Variants in CYP20A1 observed in about 807,000 individuals in gnomAD.
CYP20A1 encodes cytochrome P450 20A1.
In CYP20A1, 61 loss-of-function variants were observed where a neutral mutation model predicts 61.4. The observed-to-expected ratio is 0.99, with a 90% CI of 0.81 to 1.23. CYP20A1 has a LOEUF of 1.23. Among genes scored for constraint, CYP20A1 ranks in the 50% most tolerant of loss-of-function variants. The pLI, the probability that CYP20A1 is intolerant of heterozygous loss-of-function variation, is 0.00. For synonymous variants in CYP20A1, 193 were observed against 188.2 expected (o/e 1.03, Z -0.21); for missense variants, 530 against 542.4 (o/e 0.98, Z 0.23).
chr2:203,273,316 A>C (rs1205194601), intron 6 of CYP20A1, among the ~76,000 whole-genome samples: 2 of 152,208 alleles, frequency 1.3e-5, no homozygotes, highest in African/African-American at 4.8e-5. Context: ...TAAGTGTACA[A>C]TCTTAAGAAA....
intron 11 of CYP20A1, among the ~76,000 whole-genome samples, chr2:203,295,317 C>T (rs947227377): frequency 1.3e-5 from 2 of 152,044 alleles, no homozygotes; most frequent in African/African-American, 4.8e-5. Context: ...TCAAGCAATC[C>T]TCCCACCTTG....
At chr2:203,272,851 C>CTTTTTTT in intron 6 of CYP20A1, 103 bp downstream of exon 6, 1 of 428,952 alleles carries the variant, frequency 2.3e-6, no homozygotes, top group Non-Finnish European at 3.9e-6. Flanking sequence ...TTTATATTTT[C>CTTTTTTT]TTTTTTTTTT....
chr2:203,262,469 T>A (rs1480931161), intron 4 of CYP20A1, among the ~76,000 whole-genome samples: 1 of 151,984 alleles, frequency 6.6e-6, no homozygotes, highest in African/African-American at 2.4e-5. Flanking sequence ...ATGAACCAAC[T>A]TTTTTTTCTA....
In CYP20A1 at chr2:203,304,287, T is replaced by G. The variant is rs1250850328; in HGVS notation, c.*7379T>G. Among the ~76,000 whole-genome samples, 1 of 151,564 alleles carries G rather than the reference T, an allele frequency of 6.6e-6. No individual in the cohort carries two copies. The highest frequency in any genetic ancestry group is 2.4e-5 in the African/African-American group (1 of 41,320). ...ATCTGGGCTCACTACAACCTCCATC[T>G]CCCCAGTTCAAGCGATTCTCCTGCC... is the stretch of plus-strand genomic sequence containing the variant. On this transcript the variant is annotated 3_prime_UTR_variant, in exon 13 of 13. Transcript: ENST00000356079.
chr2:203,273,039 G>T (rs1311802181), intron 6 of CYP20A1, among the ~76,000 whole-genome samples: 1 of 152,042 alleles, frequency 6.6e-6, no homozygotes, highest in East Asian at 1.9e-4. Context: ...TAGAGACAGG[G>T]TGTCACCCTG....
At chr2:203,278,456 G>C in intron 6 of CYP20A1, 117 bp from the exon 7 acceptor site, 1 of 481,676 alleles carries the variant, frequency 2.1e-6, no homozygotes, top group Non-Finnish European at 3.7e-6. Flanking sequence ...TTTCTTTGTT[G>C]TTGGTTACTA....
chr2:203,269,830 T>C (rs1276147695), intron 5 of CYP20A1, among the ~76,000 whole-genome samples: 3 of 152,124 alleles, frequency 2.0e-5, no homozygotes, highest in Non-Finnish European at 4.4e-5. Context: ...GGTTTCACCA[T>C]GTTGGCCAGG....
intron 6 of CYP20A1, among the ~76,000 whole-genome samples, chr2:203,277,716 A>G (rs1050129289): frequency 5.3e-5 from 8 of 151,926 alleles, no homozygotes; most frequent in African/African-American, 1.9e-4. Context: ...GGGTTTTGCC[A>G]TCTTGGCCAG....
At position 203,300,787 on chromosome 2, in the gene CYP20A1, G is replaced by A. The variant is rs983502755; in HGVS notation, c.*3879G>A. On this transcript the variant is annotated 3_prime_UTR_variant, in exon 13 of 13. Transcript: ENST00000356079. ...CCCTGTAATCCTAGCTACTTGAGAC[G>A]CTGAGGCAGGAAAATTGCTTGAACC... Among the ~76,000 whole-genome samples the A allele has an allele frequency of 1.3e-5, 2 of 151,094 alleles. No individual in the cohort carries two copies. Among genetic ancestry groups the A allele is most frequent in the Non-Finnish European group, 2.9e-5 (2 of 67,934 alleles).
chr2:203,257,547 T>TG (rs1301340157), intron 4 of CYP20A1, among the ~76,000 whole-genome samples: 5 of 152,058 alleles, frequency 3.3e-5, no homozygotes, highest in Non-Finnish European at 7.4e-5. Flanking sequence ...CCCAGCACTT[T>TG]GGGGGGCCGA....
chr2:203,266,214 T>G (rs1322033588), intron 4 of CYP20A1, among the ~76,000 whole-genome samples: 2 of 152,218 alleles, frequency 1.3e-5, no homozygotes, highest in African/African-American at 4.8e-5. Flanking sequence ...TATGGTCTTT[T>G]AATTTCCGTT....
chr2:203,276,995 G>T (rs1315181346), intron 6 of CYP20A1, among the ~76,000 whole-genome samples: 2 of 152,126 alleles, frequency 1.3e-5, no homozygotes, highest in African/African-American at 4.8e-5. Context: ...GAATGAGCAG[G>T]CAGTAAAGTG....
At chr2:203,242,931 T>C (rs2066305542) in intron 1 of CYP20A1, among the ~76,000 whole-genome samples, 1 of 152,254 alleles carries the variant, frequency 6.6e-6, no homozygotes, top group South Asian at 2.1e-4. Context: ...CTCTGTCAAT[T>C]CCGCCCCTGA....
rs1054427156 is a variant in CYP20A1 at position 203,299,802 on chromosome 2, A to G, written c.*2894A>G. ...AGCAGGAGAACTGCTTGAACCTGGG[A>G]GGCAGAGGTTGCGGTGAGCCAAGAT... On this transcript the variant is annotated 3_prime_UTR_variant, in exon 13 of 13. Coordinates refer to ENST00000356079, the MANE Select transcript of CYP20A1 (RefSeq NM_177538.3). Among the ~76,000 whole-genome samples the G allele has an allele frequency of 6.6e-6, 1 of 152,076 alleles. No homozygotes were observed. Among genetic ancestry groups the G allele is most frequent in the African/African-American group, 2.4e-5 (1 of 41,418 alleles).
intron 4 of CYP20A1, among the ~76,000 whole-genome samples, chr2:203,252,351 G>T (rs2066722358): frequency 7.0e-6 from 1 of 142,970 alleles, no homozygotes; most frequent in Non-Finnish European, 1.5e-5. Context: ...AGCACCTGAA[G>T]AAGTTTCTGT....
At position 203,289,769 on chromosome 2, in the gene CYP20A1, T is replaced by C. The variant is rs1207634217; in HGVS notation, c.976T>C (p.Cys326Arg). ...TPEKIEQLRY[C>R]QHVLCETVRT... Reference sequence around the variant, plus strand: ...AAAAAAATTTTTTTAAAACAGATATTGTCAGCATGTGCTTTGTGAAACTGT... The same window carrying C: ...AAAAAAATTTTTTTAAAACAGATATCGTCAGCATGTGCTTTGTGAAACTGT... The change falls in exon 10 of 13, where the codon TGT becomes CGT. Residue 326 changes from cysteine (C) to arginine (R), a missense_variant. Transcript: ENST00000356079. 1.3e-6 allele frequency: 2 copies of C among 1,546,294 alleles called. No homozygotes were observed. Among genetic ancestry groups the C allele is most frequent in the Non-Finnish European group, 1.7e-6 (2 of 1,146,700 alleles).
At chr2:203,252,839 C>T (rs1422417154) in intron 4 of CYP20A1, among the ~76,000 whole-genome samples, 6 of 152,108 alleles carry the variant, frequency 3.9e-5, no homozygotes, top group South Asian at 2.1e-4. Context: ...CCCCACTTCG[C>T]GGTTGATGAG....
At chr2:203,245,165 T>C (rs2066417468) in intron 1 of CYP20A1, among the ~76,000 whole-genome samples, 1 of 151,272 alleles carries the variant, frequency 6.6e-6, no homozygotes, top group African/African-American at 2.4e-5. Context: ...TAGCTGGGAC[T>C]ACAGGTGTGT....
Position 203,239,049 on chromosome 2 carries a change from T to C in CYP20A1, c.-14T>C, listed in dbSNP as rs868071063. On this transcript the variant is annotated 5_prime_UTR_variant, in exon 1 of 13. Coordinates refer to ENST00000356079, the MANE Select transcript of CYP20A1 (RefSeq NM_177538.3). ...GCGGCCGATCCGAGACGTGGCTCCCTGGGCGGCAGAACCATGTTGGACTTC... is the reference window on the plus strand; with the variant it reads ...GCGGCCGATCCGAGACGTGGCTCCCCGGGCGGCAGAACCATGTTGGACTTC... 13 of 1,613,152 alleles carry C rather than the reference T, an allele frequency of 8.1e-6. No homozygotes were observed. In the Middle Eastern group the frequency reaches 1.3e-3, roughly 164 times the overall value.
Sources: allele counts gnomAD v4.1 joint callset (sites outside exome capture counted in the v4.1 genomes callset), GRCh38; gene constraint gnomAD v4.1.1; transcripts MANE v1.5; gene names NCBI Gene and HGNC (gene_info 2026-07-23, HGNC 2026-07-21).